The following SPINDOC variants were observed in gnomAD, a reference collection of about 807,000 sequenced individuals.
SPINDOC encodes spindlin interactor and repressor of chromatin-binding protein.
A neutral mutation model predicts 30.7 loss-of-function variants in SPINDOC; 13 were observed. The observed-to-expected ratio is 0.42, with a 90% CI of 0.28 to 0.67. The LOEUF (loss-of-function observed/expected upper bound fraction) is 0.67, where lower values mean the gene tolerates loss of function less well. Ranked by LOEUF, SPINDOC falls within the 30% of genes least tolerant of loss-of-function variation. The pLI is 0.22. For missense variants in SPINDOC, 438 were observed against 518.0 expected (o/e 0.85, Z 1.50); for synonymous variants, 228 against 211.4 (o/e 1.08, Z -0.68).
intron 5 of SPINDOC, 50 bp from the exon 6 acceptor site, chr11:63,826,878 G>T: frequency 1.1e-6 from 1 of 907,792 alleles, no homozygotes; most frequent in South Asian, 1.4e-5. Context: ...CATCCTCGTG[G>T]TGGGGTGTCT....
In SPINDOC at chr11:63,817,842, C is replaced by T. The variant is rs780968026; in HGVS notation, c.165C>T (p.Ser55=). 8.7e-6 allele frequency: 14 copies of T among 1,605,118 alleles called. No homozygotes were observed. The highest frequency in any genetic ancestry group is 1.1e-5 in the Non-Finnish European group (13 of 1,175,852). The change falls in exon 2 of 6, where the codon AGC becomes AGT. Residue 55 remains serine (S), a synonymous_variant. Transcript: ENST00000294244. ...AGAAGACCCCACCGCCTAGACCCAG[C>T]CCGCTAGAGGCAGGCAGTGATGGCT... ...QQEKTPPPRP[S]PLEAGSDGCE...
At chr11:63,819,599 C>G (rs562439666) in intron 5 of SPINDOC, among the ~76,000 whole-genome samples, 7 of 151,880 alleles carry the variant, frequency 4.6e-5, no homozygotes, top group Non-Finnish European at 1.0e-4. Flanking sequence ...CAGGTTCAAG[C>G]GATTCTCCTG....
At chr11:63,822,029 G>A (rs2015535806) in intron 5 of SPINDOC, among the ~76,000 whole-genome samples, 1 of 152,132 alleles carries the variant, frequency 6.6e-6, no homozygotes, top group African/African-American at 2.4e-5. Context: ...GATGACAGGT[G>A]TGCTTTTTTG....
In SPINDOC at chr11:63,813,573, G is replaced by GGGCGGGC. The variant is rs2135127891; in HGVS notation, c.-106_-100dup. On this transcript the variant is annotated 5_prime_UTR_variant, in exon 1 of 6. Coordinates refer to ENST00000294244, the MANE Select transcript of SPINDOC (RefSeq NM_138471.3). Reference sequence around the variant, plus strand: ...CGGGCGGCGGGGAGGGGGCTGCGCGGGGCGGGCGGCGGGCCCGGCGCTATT... The same window carrying GGGCGGGC: ...CGGGCGGCGGGGAGGGGGCTGCGCGGGGCGGGCGGCGGGCGGCGGGCCCGGCGCTATT... 2 of 938,550 alleles carry GGGCGGGC rather than the reference G, an allele frequency of 2.1e-6. No individual in the cohort carries two copies. Among genetic ancestry groups the GGGCGGGC allele is most frequent in the South Asian group, 8.2e-5 (2 of 24,272 alleles). 58.1% of individuals were successfully genotyped at this position (938,550 alleles called of 1,614,324 possible).
chr11:63,821,065 A>AC lies in SPINDOC; in HGVS notation c.934+2066dup, dbSNP rs541729827. 2.3e-3 allele frequency among the ~76,000 whole-genome samples: 344 copies of AC among 152,094 alleles called. 2 individuals are homozygous for AC. Among genetic ancestry groups the AC allele is most frequent in the Middle Eastern group, 0.02 (6 of 294 alleles). ...AGACCCTCTCTAAAAACAAAACAAA[A>AC]CCCAAATTTATTATTTTACAGTTCT... On this transcript the variant is annotated intron_variant, in intron 5 of 5. Coordinates refer to ENST00000294244, the MANE Select transcript of SPINDOC (RefSeq NM_138471.3).
Position 63,827,150 on chromosome 11 carries a change from T to C in SPINDOC, c.*11T>C. ...GGGAATGGAGTGTAAATTCTTGCTT[T>C]CCTGGGGAGGGAGGGAGGGATGAGG... On this transcript the variant is annotated 3_prime_UTR_variant, in exon 6 of 6. Coordinates refer to ENST00000294244, the MANE Select transcript of SPINDOC (RefSeq NM_138471.3). 1.2e-6 allele frequency: 1 copy of C among 803,110 alleles called. No homozygotes were observed. Among genetic ancestry groups the C allele is most frequent in the East Asian group, 4.9e-5 (1 of 20,488 alleles). 49.7% of individuals were successfully genotyped at this position (803,110 alleles called of 1,614,324 possible).
At chr11:63,816,857 C>T (rs201807828) in intron 1 of SPINDOC, among the ~76,000 whole-genome samples, 7 of 152,066 alleles carry the variant, frequency 4.6e-5, no homozygotes, top group East Asian at 1.9e-4. Context: ...AGAAGGGAGG[C>T]GAGTTCTGAG....
intron 5 of SPINDOC, 35 bp downstream of exon 5, chr11:63,819,037 C>G: frequency 2.8e-6 from 4 of 1,441,192 alleles, no homozygotes; most frequent in Non-Finnish European, 3.7e-6. Flanking sequence ...CAGTAGGGAC[C>G]TCGCAGGCAG....
intron 5 of SPINDOC, among the ~76,000 whole-genome samples, chr11:63,826,133 T>A (rs1235483790): frequency 6.6e-6 from 1 of 152,030 alleles, no homozygotes; most frequent in South Asian, 2.1e-4. Context: ...AAAGGGGTTC[T>A]CCATGTTAGC....
At chr11:63,822,396 G>GGCA (rs940072320) in intron 5 of SPINDOC, among the ~76,000 whole-genome samples, 2 of 147,422 alleles carry the variant, frequency 1.4e-5, no homozygotes, top group African/African-American at 5.1e-5. Flanking sequence ...AAAGAAAAAA[G>GGCA]GCAGCGTATT....
In SPINDOC at chr11:63,817,861, G is replaced by A; in HGVS notation, c.184G>A (p.Asp62Asn). The change falls in exon 2 of 6, where the codon GAT becomes AAT. Residue 62 changes from aspartate (D) to asparagine (N), a missense_variant. This residue lies in a region of SPINDOC where 129 missense variants were observed against 152.7 expected (regional missense o/e 0.84). Transcript: ENST00000294244. ...PRPSPLEAGS[D>N]GCEEPKQQVS... The stretch of plus-strand genomic sequence containing the variant: ...ACCCAGCCCGCTAGAGGCAGGCAGT[G>A]ATGGCTGTGAGGAGCCGAAGCAGCA... 1 of 1,610,802 alleles carries A rather than the reference G, an allele frequency of 6.2e-7. No homozygotes were observed. The highest frequency in any genetic ancestry group is 8.5e-7 in the Non-Finnish European group (1 of 1,178,614).
At position 63,818,667 on chromosome 11, in the gene SPINDOC, C is replaced by T. The variant is rs188808593; in HGVS notation, c.733+15C>T. On this transcript the variant is annotated intron_variant, in intron 4 of 5. Coordinates refer to ENST00000294244, the MANE Select transcript of SPINDOC (RefSeq NM_138471.3). This position sits in a 1 kb window ranked among gnomAD's most constrained non-coding sequence, Gnocchi z 5.3. ...CCCTGACCCAGGTGAAGGGGAGGCC[C>T]GGGGGAGGCGTGGGCTCTGGCCGCA... is the stretch of plus-strand genomic sequence containing the variant. 822 of 1,613,180 alleles carry T rather than the reference C, an allele frequency of 5.1e-4. 5 individuals carry two copies. The East Asian group carries it at 0.015, about 29-fold the overall frequency.
chr11:63,818,708 C>A lies in SPINDOC; in HGVS notation c.733+56C>A. On this transcript the variant is annotated intron_variant, in intron 4 of 5. Transcript: ENST00000294244. This position sits in a 1 kb window ranked among gnomAD's most constrained non-coding sequence, Gnocchi z 5.3. The stretch of plus-strand genomic sequence containing the variant: ...TCTGGCCGCAGTGCTCTGAGGAAAT[C>A]CGCATCAGTGAGGATGGAGCAGGGC... The A allele has an allele frequency of 6.2e-7, 1 of 1,611,824 alleles. No homozygotes were observed. Among genetic ancestry groups the A allele is most frequent in the Admixed American group, 1.7e-5 (1 of 59,756 alleles).
intron 5 of SPINDOC, among the ~76,000 whole-genome samples, chr11:63,825,785 C>A (rs558018331): frequency 6.6e-6 from 1 of 152,114 alleles, no homozygotes; most frequent in East Asian, 1.9e-4. Flanking sequence ...TCCAGCACAT[C>A]GCACAGCAAA....
intron 5 of SPINDOC, among the ~76,000 whole-genome samples, chr11:63,823,685 T>G (rs1312395183): frequency 1.3e-5 from 2 of 151,798 alleles, no homozygotes; most frequent in Admixed American, 6.6e-5. Flanking sequence ...AAGCTCCGCC[T>G]CCTCCCAGGT....
intron 1 of SPINDOC, among the ~76,000 whole-genome samples, chr11:63,816,715 A>C (rs1483494324): frequency 1.3e-5 from 2 of 152,202 alleles, no homozygotes; most frequent in Admixed American, 1.3e-4. Context: ...ATGCAGGTCT[A>C]AGGCTGCCTT....
intron 5 of SPINDOC, among the ~76,000 whole-genome samples, chr11:63,825,137 G>C (rs2015623000): frequency 1.3e-5 from 2 of 152,178 alleles, no homozygotes; most frequent in Non-Finnish European, 2.9e-5. Context: ...ACACAAGTCA[G>C]ATCCAGTCAC....
rs1370317378 is a variant in SPINDOC at position 63,824,621 on chromosome 11, C to T, written c.935-2307C>T. Reference sequence around the variant, plus strand: ...CACAGCTTTCAATGACATGTGTGTGCTCATAATGCCCACCTTGGCTGCTCC... The same window carrying T: ...CACAGCTTTCAATGACATGTGTGTGTTCATAATGCCCACCTTGGCTGCTCC... On this transcript the variant is annotated intron_variant, in intron 5 of 5. Transcript: ENST00000294244. 3.3e-5 allele frequency among the ~76,000 whole-genome samples: 5 copies of T among 152,158 alleles called. No individual in the cohort carries two copies. The South Asian group carries it at 1.0e-3, about 32-fold the overall frequency.
chr11:63,827,166 AG>A lies in SPINDOC; in HGVS notation c.*30del. 1 of 658,622 alleles carries A rather than the reference AG, an allele frequency of 1.5e-6. No homozygotes were observed. The highest frequency in any genetic ancestry group is 2.7e-6 in the Non-Finnish European group (1 of 372,668). The allele number at this position is 658,622 out of a possible 1,614,324, so 40.8% of individuals were successfully genotyped here. On this transcript the variant is annotated 3_prime_UTR_variant, in exon 6 of 6. Coordinates refer to ENST00000294244, the MANE Select transcript of SPINDOC (RefSeq NM_138471.3). Reference sequence around the variant, plus strand: ...TTCTTGCTTTCCTGGGGAGGGAGGGAGGGATGAGGCAGCGTCCCCCAGTGGC... The same window carrying A: ...TTCTTGCTTTCCTGGGGAGGGAGGGAGGATGAGGCAGCGTCCCCCAGTGGC...
Sources: gnomAD v4.1 joint callset for allele counts (sites outside exome capture counted in the v4.1 genomes callset) on GRCh38, gnomAD v4.1.1 for gene constraint, gnomAD v4.1.1 regional missense constraint, Gnocchi (gnomAD v3.1) non-coding constraint, MANE v1.5 for transcripts, NCBI Gene and HGNC (gene_info 2026-07-23, HGNC 2026-07-21) for gene names.